CTNNA3: variants seen among roughly 807,000 people sequenced by gnomAD.
The protein encoded by CTNNA3 is catenin alpha-3.
Under a neutral mutation model 95.7 loss-of-function variants are expected in CTNNA3, and 76 were observed. The observed-to-expected ratio is 0.79, with a 90% CI of 0.66 to 0.96. CTNNA3 has a LOEUF of 0.96. Among genes scored for constraint, CTNNA3 ranks in the 40% least tolerant of loss-of-function variants. CTNNA3 has a pLI of 0.00. For synonymous variants in CTNNA3, 431 were observed against 374.4 expected (o/e 1.15, Z -1.74); for missense variants, 1,191 against 1,089.8 (o/e 1.09, Z -1.31).
chr10:67,422,505 G>A (rs971795437), intron 5 of CTNNA3, among the ~76,000 whole-genome samples: 1 of 152,078 alleles, frequency 6.6e-6, no homozygotes, highest in Non-Finnish European at 1.5e-5. Context: ...CTGAAATGAA[G>A]TTACCCCAGA....
intron 7 of CTNNA3, among the ~76,000 whole-genome samples, chr10:67,079,196 G>A (rs1001046047): frequency 6.6e-6 from 1 of 152,162 alleles, no homozygotes; most frequent in Non-Finnish European, 1.5e-5. Flanking sequence ...GGGGATGTAT[G>A]CAAGGTTAAC....
chr10:66,999,309 C>T (rs988038835), intron 7 of CTNNA3, among the ~76,000 whole-genome samples: 1 of 151,986 alleles, frequency 6.6e-6, no homozygotes, highest in Non-Finnish European at 1.5e-5. Context: ...ATTGCTAAAT[C>T]GACACTGGAA....
intron 7 of CTNNA3, among the ~76,000 whole-genome samples, chr10:66,877,382 CT>C (rs1363143561): frequency 6.6e-6 from 1 of 152,162 alleles, no homozygotes; most frequent in African/African-American, 2.4e-5. Flanking sequence ...AGGCACATTG[CT>C]TCTCACCTGA....
At chr10:67,178,771 A>G (rs1262518284) in intron 7 of CTNNA3, among the ~76,000 whole-genome samples, 2 of 151,818 alleles carry the variant, frequency 1.3e-5, no homozygotes, top group African/African-American at 4.9e-5. Context: ...CAGTTTGCAT[A>G]TCATGAAAGA....
chr10:67,374,207 T>C (rs1054206674), intron 5 of CTNNA3, among the ~76,000 whole-genome samples: 4 of 152,182 alleles, frequency 2.6e-5, no homozygotes, highest in African/African-American at 7.2e-5. Flanking sequence ...TACTCAACTC[T>C]GCTTTTATGG....
At chr10:66,104,731 A>G (rs1211793993) in intron 13 of CTNNA3, among the ~76,000 whole-genome samples, 2 of 152,210 alleles carry the variant, frequency 1.3e-5, no homozygotes, top group Non-Finnish European at 2.9e-5. Flanking sequence ...GAAGTAGAAG[A>G]TGTCCTTGGG....
At chr10:67,186,912 A>G (rs965638250) in intron 6 of CTNNA3, among the ~76,000 whole-genome samples, 4 of 152,204 alleles carry the variant, frequency 2.6e-5, no homozygotes, top group Non-Finnish European at 5.9e-5. Flanking sequence ...TTAAAAGAGT[A>G]AGTATAGCTA....
intron 10 of CTNNA3, among the ~76,000 whole-genome samples, chr10:66,593,334 G>A (rs951956576): frequency 6.6e-6 from 1 of 152,070 alleles, no homozygotes; most frequent in African/African-American, 2.4e-5. Flanking sequence ...ATAGAGTTGT[G>A]AATAAAAGTG....
intron 10 of CTNNA3, among the ~76,000 whole-genome samples, chr10:66,609,936 C>T (rs12411966): frequency 0.048 from 7,301 of 152,140 alleles, 570 homozygotes; most frequent in East Asian, 0.25. Flanking sequence ...AGATTGAGAT[C>T]ATGTCCTTTG....
At chr10:66,463,885 A>ATTTT (rs1405851488) in intron 11 of CTNNA3, among the ~76,000 whole-genome samples, 158 of 140,356 alleles carry the variant, frequency 1.1e-3, no homozygotes, top group African/African-American at 3.8e-3. Flanking sequence ...GTCACTTTCC[A>ATTTT]ATTTTTTTTT....
intron 5 of CTNNA3, among the ~76,000 whole-genome samples, chr10:67,417,884 T>C (rs1845599673): frequency 6.6e-6 from 1 of 152,190 alleles, no homozygotes; most frequent in Non-Finnish European, 1.5e-5. Flanking sequence ...TTAAAGCATA[T>C]GTCCACACAA....
At chr10:66,996,762 C>A (rs148781331) in intron 7 of CTNNA3, among the ~76,000 whole-genome samples, 2 of 147,968 alleles carry the variant, frequency 1.4e-5, no homozygotes, top group African/African-American at 5.0e-5. Context: ...AAAAAAATTT[C>A]TAAGGGTATG....
At chr10:66,833,194 T>A (rs1485624066) in intron 7 of CTNNA3, among the ~76,000 whole-genome samples, 2 of 152,206 alleles carry the variant, frequency 1.3e-5, no homozygotes, top group Non-Finnish European at 1.5e-5. Flanking sequence ...CTAAAGAGCA[T>A]GACTTGTGTG....
At chr10:65,948,790 T>C (rs2077564854) in intron 17 of CTNNA3, among the ~76,000 whole-genome samples, 1 of 152,208 alleles carries the variant, frequency 6.6e-6, no homozygotes, top group South Asian at 2.1e-4. Flanking sequence ...ATAATTACCA[T>C]ACACAATAAG....
Position 66,186,281 on chromosome 10 carries a change from AGTGT to A in CTNNA3, c.1885-83036_1885-83033del, listed in dbSNP as rs60910774. 6.6e-3 allele frequency among the ~76,000 whole-genome samples: 984 copies of A among 149,638 alleles called. 12 individuals are homozygous for A. The highest frequency in any genetic ancestry group is 0.02 in the African/African-American group (812 of 40,900). The stretch of plus-strand genomic sequence containing the variant: ...TCAATTAAAAACAAAATAAAATGTG[AGTGT>A]GTGTGTGTGTGTGTGTGTGAGAGAT... On this transcript the variant is annotated intron_variant, in intron 13 of 17. Coordinates refer to ENST00000433211, the MANE Select transcript of CTNNA3 (RefSeq NM_013266.4).
At chr10:66,649,185 A>G (rs1024854121) in intron 9 of CTNNA3, among the ~76,000 whole-genome samples, 1 of 152,176 alleles carries the variant, frequency 6.6e-6, no homozygotes, top group Admixed American at 6.5e-5. Context: ...ATGCGACTGA[A>G]GTTTGATTAG....
At chr10:67,127,952 A>G (rs1207094575) in intron 7 of CTNNA3, among the ~76,000 whole-genome samples, 1 of 152,114 alleles carries the variant, frequency 6.6e-6, no homozygotes, top group African/African-American at 2.4e-5. Context: ...AATCGTTCAC[A>G]TTAATTACCC....
At chr10:66,356,262 T>G (rs1036518069) in intron 12 of CTNNA3, among the ~76,000 whole-genome samples, 2 of 151,926 alleles carry the variant, frequency 1.3e-5, no homozygotes, top group Non-Finnish European at 2.9e-5. Flanking sequence ...TGTAACAAGT[T>G]TATAGATCAG....
rs557291844 is a variant in CTNNA3, at chr10:67,716,333, T to G, written c.-2+47101A>C. ...ATGAATTTAAATAAGTTACAACTTT[T>G]TTTTAATACTTTAAGTTCTAGGATA... On this transcript the variant is annotated intron_variant, in intron 1 of 17. Coordinates refer to the CTNNA3 transcript ENST00000684154. Among the ~76,000 whole-genome samples the G allele has an allele frequency of 2.6e-5, 4 of 152,294 alleles. No homozygotes were observed. The East Asian group carries it at 7.7e-4, about 29-fold the overall frequency.
Sources: gnomAD v4.1 joint callset for allele counts (sites outside exome capture counted in the v4.1 genomes callset) on GRCh38, gnomAD v4.1.1 for gene constraint, MANE v1.5 for transcripts, NCBI Gene and HGNC (gene_info 2026-07-23, HGNC 2026-07-21) for gene names.